The following KIF2A variants were observed in gnomAD, a reference collection of about 807,000 sequenced individuals.
The protein encoded by KIF2A is kinesin-like protein KIF2A.
KIF2A carries 22 observed loss-of-function variants against 100.2 expected under a neutral mutation model. The observed-to-expected ratio is 0.22, with a 90% CI of 0.16 to 0.31. KIF2A has a LOEUF of 0.31. Among genes scored for constraint, KIF2A ranks in the 10% least tolerant of loss-of-function variants. The pLI, the probability that KIF2A is intolerant of heterozygous loss-of-function variation, is 1.00. For synonymous variants in KIF2A, 268 were observed against 285.9 expected (o/e 0.94, Z 0.63); for missense variants, 495 against 898.7 (o/e 0.55, Z 5.74).
chr5:62,338,447 C>T (rs1747092549), intron 1 of KIF2A, among the ~76,000 whole-genome samples: 2 of 152,088 alleles, frequency 1.3e-5, no homozygotes, highest in Admixed American at 1.3e-4. Context: ...CACCACCACA[C>T]CTGGATAATT....
At chr5:62,316,898 A>G (rs1177627133) in intron 1 of KIF2A, among the ~76,000 whole-genome samples, 3 of 152,260 alleles carry the variant, frequency 2.0e-5, no homozygotes, top group Non-Finnish European at 4.4e-5. Flanking sequence ...ATTATAATTT[A>G]TGAATGAGGA....
chr5:62,336,809 C>T (rs1414708278), intron 1 of KIF2A, among the ~76,000 whole-genome samples: 8 of 152,104 alleles, frequency 5.3e-5, no homozygotes, highest in Admixed American at 1.3e-4. Flanking sequence ...TACATAATAA[C>T]ACCTAATAAA....
In KIF2A at chr5:62,390,963, C is replaced by T. The variant is rs1391177681; in HGVS notation, c.*5394C>T. The T allele has an allele frequency of 6.2e-7, 1 of 1,613,134 alleles. No homozygotes were observed. Among genetic ancestry groups the T allele is most frequent in the Non-Finnish European group, 8.5e-7 (1 of 1,179,704 alleles). On this transcript the variant is annotated 3_prime_UTR_variant, in exon 21 of 21. Transcript: ENST00000407818. Reference sequence around the variant, plus strand: ...GATTTGCTGTATTTTATCTGCTATGCTGAAATCTTCTGGTATTATCTATCA... The same window carrying T: ...GATTTGCTGTATTTTATCTGCTATGTTGAAATCTTCTGGTATTATCTATCA...
chr5:62,351,875 C>T (rs536149543), intron 4 of KIF2A, among the ~76,000 whole-genome samples: 7 of 152,024 alleles, frequency 4.6e-5, no homozygotes, highest in South Asian at 2.1e-4. Context: ...TATATTTTGC[C>T]GGGTGTGGTG....
rs112470989 is a variant in KIF2A at position 62,363,174 on chromosome 5, A to G, written c.1120-4A>G. On this transcript the variant is annotated splice_polypyrimidine_tract_variant and splice_region_variant and intron_variant, in intron 12 of 20. Transcript: ENST00000407818. ...TTTTCTAATTTGAATATGGTTTTTC[A>G]TAGGTGTTTGACTTGCTAAACAGGA... is the stretch of plus-strand genomic sequence containing the variant. 3.6e-5 allele frequency: 58 copies of G among 1,596,450 alleles called. No individual in the cohort carries two copies. In the African/African-American group the frequency reaches 5.4e-4, roughly 15 times the overall value.
chr5:62,310,978 G>T (rs183546006), intron 1 of KIF2A, among the ~76,000 whole-genome samples: 1 of 152,090 alleles, frequency 6.6e-6, no homozygotes, highest in Non-Finnish European at 1.5e-5. Context: ...AGCTAATATG[G>T]GATTGTTCTT....
chr5:62,312,798 A>T lies in KIF2A; in HGVS notation c.64+6262A>T, dbSNP rs144042314. On this transcript the variant is annotated intron_variant, in intron 1 of 20. Coordinates refer to ENST00000407818, the MANE Select transcript of KIF2A (RefSeq NM_001098511.3). ...TTTTAAAAGTCATGCTTCTAGGCTG[A>T]GCATGGTAGTTCATGCCTGTAATTC... Among the ~76,000 whole-genome samples, 8 of 152,310 alleles carry T rather than the reference A, an allele frequency of 5.3e-5. No individual in the cohort carries two copies. In the East Asian group the frequency reaches 1.5e-3, roughly 29 times the overall value.
chr5:62,306,565 C>G lies in KIF2A; in HGVS notation c.64+29C>G, dbSNP rs1049227384. The G allele has an allele frequency of 3.9e-6, 6 of 1,529,200 alleles. No individual in the cohort carries two copies. In the African/African-American group the frequency reaches 8.4e-5, roughly 21 times the overall value. 94.7% of individuals were successfully genotyped at this position (1,529,200 alleles called of 1,614,324 possible). Reference sequence around the variant, plus strand: ...AGCCGCGCTGCCAGCCCCGCTGGCCCGCTCGGCCCCGTGTTCGGGTGTGCA... The same window carrying G: ...AGCCGCGCTGCCAGCCCCGCTGGCCGGCTCGGCCCCGTGTTCGGGTGTGCA... On this transcript the variant is annotated intron_variant, in intron 1 of 20. Transcript: ENST00000407818.
At chr5:62,383,229 ATTTTTTTTTTTTTTTTT>A (rs70977902) in intron 20 of KIF2A, among the ~76,000 whole-genome samples, 3 of 39,066 alleles carry the variant, frequency 7.7e-5, no homozygotes, top group Admixed American at 4.0e-4. Flanking sequence ...GCCTGGCCAG[ATTTTTTTTTTTTTTTTT>A]TTTTTTTTTT....
intron 1 of KIF2A, among the ~76,000 whole-genome samples, chr5:62,316,599 A>G (rs1307627360): frequency 1.3e-5 from 2 of 152,234 alleles, no homozygotes; most frequent in African/African-American, 4.8e-5. Flanking sequence ...CATGATACAT[A>G]TGCCAAATTC....
At chr5:62,329,604 G>A (rs1746539124) in intron 1 of KIF2A, among the ~76,000 whole-genome samples, 1 of 152,190 alleles carries the variant, frequency 6.6e-6, no homozygotes, top group African/African-American at 2.4e-5. Flanking sequence ...GCAAAACCAA[G>A]ATATAATGTG....
chr5:62,328,239 A>C (rs1307352024), intron 1 of KIF2A, among the ~76,000 whole-genome samples: 2 of 152,144 alleles, frequency 1.3e-5, no homozygotes, highest in African/African-American at 4.8e-5. Flanking sequence ...ATAGCCTTTT[A>C]ATTAAGGCTA....
In KIF2A at chr5:62,310,810, A is replaced by G. The variant is rs867545886; in HGVS notation, c.64+4274A>G. Among the ~76,000 whole-genome samples the G allele has an allele frequency of 5.9e-5, 9 of 151,986 alleles. No homozygotes were observed. In the Middle Eastern group the frequency reaches 0.021, roughly 347 times the overall value. The stretch of plus-strand genomic sequence containing the variant: ...CTGATTCAATTCCTTTCCCTTTTTA[A>G]AACCCACTGACTCTTAAAAAAACCT... On this transcript the variant is annotated intron_variant, in intron 1 of 20. Coordinates refer to ENST00000407818, the MANE Select transcript of KIF2A (RefSeq NM_001098511.3).
chr5:62,364,276 G>A (rs766999005), intron 14 of KIF2A, among the ~76,000 whole-genome samples: 2 of 151,854 alleles, frequency 1.3e-5, no homozygotes, highest in Non-Finnish European at 2.9e-5. Flanking sequence ...GCCTCTCCAG[G>A]AGCTGGGATT....
chr5:62,363,337 T>C lies in KIF2A; in HGVS notation c.1262+17T>C, dbSNP rs1406015394. ...CAGTTGCAGGTAAATCTCATTTTGA[T>C]TAAGAAAGGAAACATCAGTTTTAGA... On this transcript the variant is annotated intron_variant, in intron 13 of 20. Coordinates refer to ENST00000407818, the MANE Select transcript of KIF2A (RefSeq NM_001098511.3). 1 of 1,603,484 alleles carries C rather than the reference T, an allele frequency of 6.2e-7. No individual in the cohort carries two copies. The highest frequency in any genetic ancestry group is 8.5e-7 in the Non-Finnish European group (1 of 1,176,080).
At chr5:62,334,625 C>T (rs1432228361) in intron 1 of KIF2A, among the ~76,000 whole-genome samples, 2 of 152,058 alleles carry the variant, frequency 1.3e-5, no homozygotes, top group African/African-American at 4.8e-5. Context: ...GCCTCCCCAC[C>T]ACCACTGCCT....
rs1164766379 is a variant in KIF2A at position 62,339,776 on chromosome 5, A to C, written c.65-7354A>C. Among the ~76,000 whole-genome samples, 5 of 151,366 alleles carry C rather than the reference A, an allele frequency of 3.3e-5. 1 individual carries two copies. The highest frequency in any genetic ancestry group is 2.1e-4 in the South Asian group (1 of 4,824). On this transcript the variant is annotated intron_variant, in intron 1 of 20. Transcript: ENST00000407818. ...AAAATAGTATTGAGCAAAAAAAAAA[A>C]ACACACAGGTCTTAAAATAGTGTTA...
At chr5:62,328,297 A>G (rs1426005018) in intron 1 of KIF2A, among the ~76,000 whole-genome samples, 4 of 147,676 alleles carry the variant, frequency 2.7e-5, no homozygotes, top group Non-Finnish European at 5.9e-5. Flanking sequence ...AACTTCATGA[A>G]GTGTTATTTC....
chr5:62,362,194 A>G (rs1302710440), intron 11 of KIF2A: 3 of 158,762 alleles, frequency 1.9e-5, no homozygotes, highest in Non-Finnish European at 4.1e-5. Flanking sequence ...CATTATGACC[A>G]CCTATAATTT....
Sources: gnomAD v4.1 joint callset for allele counts (sites outside exome capture counted in the v4.1 genomes callset) on GRCh38, gnomAD v4.1.1 for gene constraint, MANE v1.5 for transcripts, NCBI Gene and HGNC (gene_info 2026-07-23, HGNC 2026-07-21) for gene names.